The following OR52A5 variants were observed in gnomAD, a reference collection of about 807,000 sequenced individuals.
OR52A5 encodes the protein olfactory receptor 52A5.
A neutral mutation model predicts 18.2 loss-of-function variants in OR52A5; 16 were observed. The observed-to-expected ratio is 0.88, with a 90% CI of 0.60 to 1.34. The LOEUF is 1.34. Among genes scored for constraint, OR52A5 ranks in the 40% most tolerant of loss-of-function variants. The pLI, the probability that OR52A5 is intolerant of heterozygous loss-of-function variation, is 0.00. For missense variants in OR52A5, 418 were observed against 383.0 expected (o/e 1.09, Z -0.76); for synonymous variants, 140 against 137.2 (o/e 1.02, Z -0.14).
intron 1 of OR52A5, among the ~76,000 whole-genome samples, chr11:5,137,860 G>C (rs767880589): frequency 2.6e-5 from 4 of 152,086 alleles, no homozygotes; most frequent in Non-Finnish European, 4.4e-5. Context: ...TTCAAATATT[G>C]AGAAATAAAC....
rs1443894117 is a variant in OR52A5 at position 5,132,074 on chromosome 11, A to G, written c.569T>C (p.Leu190Pro). 6.2e-7 allele frequency: 1 copy of G among 1,614,248 alleles called. No homozygotes were observed. The highest frequency in any genetic ancestry group is 1.1e-5 in the South Asian group (1 of 91,090). The change falls in exon 2 of 2, where the codon CTG becomes CCG. Residue 190 changes from leucine (L) to proline (P), a missense_variant. Leu to Pro is a moderately conservative substitution (Grantham distance 98). Transcript: ENST00000307388. The part of the protein sequence containing the change: ...SYCEHMAIVK[L>P]ATEDIRVNKI... ...GTTGACTCGGATATCTTCAGTAGCCAGCTTCACGATGGCCATGTGCTCACA... is the reference window on the plus strand; with the variant it reads ...GTTGACTCGGATATCTTCAGTAGCCGGCTTCACGATGGCCATGTGCTCACA...
rs754335329 is a variant in OR52A5, at chr11:5,131,940, CCTT to C, written c.700_702del (p.Lys234del). The C allele has an allele frequency of 7.9e-5, 128 of 1,614,126 alleles. No homozygotes were observed. The African/African-American group carries it at 1.6e-3, about 20-fold the overall frequency. The stretch of plus-strand genomic sequence containing the variant: ...GTATTAAAGGCCTTGAATCGTGCCT[CCTT>C]CTGGGGCAGCTGAAAGACAGTGATA... On this transcript the variant is annotated inframe_deletion, in exon 2 of 2. Coordinates refer to ENST00000307388, the MANE Select transcript of OR52A5 (RefSeq NM_001005160.3).
intron 1 of OR52A5, among the ~76,000 whole-genome samples, chr11:5,136,044 TTAATC>T (rs1399646137): frequency 1.3e-5 from 2 of 152,216 alleles, no homozygotes; most frequent in African/African-American, 2.4e-5. Context: ...ATTGCTCTGA[TTAATC>T]TAACAGGGCC....
Position 5,132,465 on chromosome 11 carries a change from G to C in OR52A5, c.178C>G (p.Pro60Ala). ...AACATGGCCAAAAAAATGTACATGG[G>C]TATATGGAGGCTGTTTTCATATTTG... ...IIKYENSLHI[P>A]MYIFLAMLAA... Residue 60 changes from proline (P) to alanine (A), a missense_variant, in exon 2 of 2, where the codon CCC (proline) becomes GCC (alanine). Transcript: ENST00000307388. The C allele has an allele frequency of 6.2e-7, 1 of 1,614,168 alleles. No homozygotes were observed. The highest frequency in any genetic ancestry group is 8.5e-7 in the Non-Finnish European group (1 of 1,180,034).
chr11:5,136,086 T>G (rs1846390505), intron 1 of OR52A5, among the ~76,000 whole-genome samples: 1 of 152,174 alleles, frequency 6.6e-6, no homozygotes, highest in South Asian at 2.1e-4. Flanking sequence ...AGCTGGAGAC[T>G]CTTTGAAAGG....
chr11:5,131,509 A>G lies in OR52A5; in HGVS notation c.*183T>C, dbSNP rs1846336845. On this transcript the variant is annotated 3_prime_UTR_variant, in exon 2 of 2. Coordinates refer to ENST00000307388, the MANE Select transcript of OR52A5 (RefSeq NM_001005160.3). ...AAGTATTTCAGATAAAGTAAATAAG[A>G]CACAGATAAATGATTCCAAATTTAT... 1 of 446,612 alleles carries G rather than the reference A, an allele frequency of 2.2e-6. No individual in the cohort carries two copies. The highest frequency in any genetic ancestry group is 4.0e-6 in the Non-Finnish European group (1 of 248,916). The allele number at this position is 446,612 out of a possible 1,614,324, so 27.7% of individuals were successfully genotyped here. A position where few individuals can be genotyped will look rare whatever the true frequency, so the allele number is the denominator to read the frequency against.
chr11:5,133,096 A>G lies in OR52A5; in HGVS notation c.-60-394T>C, dbSNP rs184031787. The stretch of plus-strand genomic sequence containing the variant: ...TAAAGAAAGGATCCACAGGCCGGGC[A>G]CAGTGGCTCACGCCTGTAATCCCAG... On this transcript the variant is annotated intron_variant, in intron 1 of 1. Coordinates refer to ENST00000307388, the MANE Select transcript of OR52A5 (RefSeq NM_001005160.3). Among the ~76,000 whole-genome samples, 678 of 152,200 alleles carry G rather than the reference A, an allele frequency of 4.5e-3. 6 individuals are homozygous for G. Among genetic ancestry groups the G allele is most frequent in the African/African-American group, 0.015 (637 of 41,534 alleles).
In OR52A5 at chr11:5,130,828, G is replaced by C. The variant is rs1846330287; in HGVS notation, c.*864C>G. ...TTCTTAAGGAAAAAAAAATTTGTTT[G>C]GTTCTAAGTCTTGACTAAAGTCCTT... On this transcript the variant is annotated 3_prime_UTR_variant, in exon 2 of 2. Transcript: ENST00000307388. 2 of 151,938 alleles carry C rather than the reference G, an allele frequency of 1.3e-5. No homozygotes were observed. Among genetic ancestry groups the C allele is most frequent in the South Asian group, 2.1e-4 (1 of 4,818 alleles). 9.4% of individuals were successfully genotyped at this position (151,938 alleles called of 1,614,324 possible). A position where few individuals can be genotyped will look rare whatever the true frequency, so the allele number is the denominator to read the frequency against.
Position 5,132,677 on chromosome 11 carries a change from G to C in OR52A5, c.-35C>G. 7.4e-7 allele frequency: 1 copy of C among 1,357,142 alleles called. No homozygotes were observed. Among genetic ancestry groups the C allele is most frequent in the Non-Finnish European group, 1.0e-6 (1 of 981,498 alleles). 84.1% of individuals were successfully genotyped at this position (1,357,142 alleles called of 1,614,324 possible). A position where few individuals can be genotyped will look rare whatever the true frequency, so the allele number is the denominator to read the frequency against. ...ATCAGAATCAAGTGGTAGATTTGCT[G>C]TTTCATCTTCTATTCTCTGTTGAGC... On this transcript the variant is annotated 5_prime_UTR_variant, in exon 2 of 2. Transcript: ENST00000307388.
chr11:5,131,452 T>TGGTCGCCGTATCATTAAAA lies in OR52A5; in HGVS notation c.*239_*240insTTTTAATGATACGGCGACC. On this transcript the variant is annotated 3_prime_UTR_variant, in exon 2 of 2. Coordinates refer to ENST00000307388, the MANE Select transcript of OR52A5 (RefSeq NM_001005160.3). ...ATAAGTTTTATGTTGTAGATATCGGTATTACTGATTTCATATTATTTTTAT... is the reference window on the plus strand; with the variant it reads ...ATAAGTTTTATGTTGTAGATATCGGTGGTCGCCGTATCATTAAAAATTACTGATTTCATATTATTTTTAT... 1 of 294,410 alleles carries TGGTCGCCGTATCATTAAAA rather than the reference T, an allele frequency of 3.4e-6. No individual in the cohort carries two copies. Among genetic ancestry groups the TGGTCGCCGTATCATTAAAA allele is most frequent in the Non-Finnish European group, 6.4e-6 (1 of 156,518 alleles). 18.2% of individuals were successfully genotyped at this position (294,410 alleles called of 1,614,324 possible). A position where few individuals can be genotyped will look rare whatever the true frequency, so the allele number is the denominator to read the frequency against.
intron 1 of OR52A5, 108 bp from the exon 2 acceptor site, chr11:5,132,810 A>C: frequency 2.1e-6 from 1 of 468,862 alleles, no homozygotes; most frequent in Non-Finnish European, 3.7e-6. Context: ...AATCTTCTCT[A>C]ATTTTCTGTC....
At chr11:5,135,863 A>G (rs1335519418) in intron 1 of OR52A5, among the ~76,000 whole-genome samples, 1 of 152,192 alleles carries the variant, frequency 6.6e-6, no homozygotes, top group African/African-American at 2.4e-5. Context: ...TACCTTGGGC[A>G]CATGTTCTCA....
Position 5,132,610 on chromosome 11 carries a change from G to C in OR52A5, c.33C>G (p.Pro11=), listed in dbSNP as rs749084342. The change falls in exon 2 of 2, where the codon CCC becomes CCG. Residue 11 remains proline (P), a synonymous_variant. Transcript: ENST00000307388. Reference sequence around the variant, plus strand: ...GAATCCCAATTAGTATAAACGCAGAGGGCATGAAGACTGAGCCATTGAATG... The same window carrying C: ...GAATCCCAATTAGTATAAACGCAGACGGCATGAAGACTGAGCCATTGAATG... MPTFNGSVFM[P]SAFILIGIPG... 2.5e-6 allele frequency: 4 copies of C among 1,609,314 alleles called. No homozygotes were observed. In the African/African-American group the frequency reaches 4.0e-5, roughly 16 times the overall value.
Position 5,131,645 on chromosome 11 carries a change from G to A in OR52A5, c.*47C>T, listed in dbSNP as rs780618058. On this transcript the variant is annotated 3_prime_UTR_variant, in exon 2 of 2. Transcript: ENST00000307388. Reference sequence around the variant, plus strand: ...GATCTGTGACTTTCATTATATTTAGGTTTTTACTTAGAACCAACCCTAAAT... The same window carrying A: ...GATCTGTGACTTTCATTATATTTAGATTTTTACTTAGAACCAACCCTAAAT... 8.7e-7 allele frequency: 1 copy of A among 1,153,764 alleles called. No individual in the cohort carries two copies. Among genetic ancestry groups the A allele is most frequent in the Non-Finnish European group, 1.3e-6 (1 of 797,794 alleles). The allele number at this position is 1,153,764 out of a possible 1,614,324, so 71.5% of individuals were successfully genotyped here. A position where few individuals can be genotyped will look rare whatever the true frequency, so the allele number is the denominator to read the frequency against.
At chr11:5,135,106 C>A (rs1003238153) in intron 1 of OR52A5, among the ~76,000 whole-genome samples, 1 of 152,034 alleles carries the variant, frequency 6.6e-6, no homozygotes, top group East Asian at 1.9e-4. Flanking sequence ...AATCTCCTGA[C>A]CTTGTGATCC....
At chr11:5,133,325 A>G (rs1011590282) in intron 1 of OR52A5, among the ~76,000 whole-genome samples, 75 of 140,902 alleles carry the variant, frequency 5.3e-4, no homozygotes, top group African/African-American at 1.9e-3. Context: ...CCAAGATCAC[A>G]CCACTGCACT....
At position 5,132,665 on chromosome 11, in the gene OR52A5, G is replaced by A; in HGVS notation, c.-23C>T. 1.4e-6 allele frequency: 2 copies of A among 1,467,750 alleles called. No individual in the cohort carries two copies. The highest frequency in any genetic ancestry group is 2.0e-5 in the Admixed American group (1 of 48,852). 90.9% of individuals were successfully genotyped at this position (1,467,750 alleles called of 1,614,324 possible). On this transcript the variant is annotated 5_prime_UTR_variant, in exon 2 of 2. Transcript: ENST00000307388. ...CATGATTTGTTCATCAGAATCAAGT[G>A]GTAGATTTGCTGTTTCATCTTCTAT...
chr11:5,133,993 C>T (rs79237558), intron 1 of OR52A5, among the ~76,000 whole-genome samples: 2,150 of 152,190 alleles, frequency 0.014, 52 homozygotes, highest in South Asian at 0.11. Flanking sequence ...TGTCTCTGCC[C>T]TTCACTGGTA....
At chr11:5,134,723 T>C (rs1846375239) in intron 1 of OR52A5, among the ~76,000 whole-genome samples, 1 of 151,662 alleles carries the variant, frequency 6.6e-6, no homozygotes, top group African/African-American at 2.4e-5. Flanking sequence ...GAAATTAGCA[T>C]TGATTATATT....
Sources: gnomAD v4.1 joint callset for allele counts (sites outside exome capture counted in the v4.1 genomes callset) on GRCh38, gnomAD v4.1.1 for gene constraint, MANE v1.5 for transcripts, NCBI Gene and HGNC (gene_info 2026-07-23, HGNC 2026-07-21) for gene names.